COMMD10: variants seen among roughly 807,000 people sequenced by gnomAD.
COMMD10 encodes COMM domain-containing protein 10.
In COMMD10, 33 loss-of-function variants were observed where a neutral mutation model predicts 28.9. The observed-to-expected ratio is 1.14, with a 90% confidence interval of 0.87 to 1.53. The LOEUF (loss-of-function observed/expected upper bound fraction) is 1.53. COMMD10 is among the 40% of genes most tolerant of loss of function. COMMD10 has a pLI of 0.00. For missense variants in COMMD10, 310 were observed against 233.4 expected (o/e 1.33, Z -2.14); for synonymous variants, 110 against 81.7 (o/e 1.35, Z -1.87).
At chr5:116,137,606 T>G (rs112529098) in intron 5 of COMMD10, among the ~76,000 whole-genome samples, 133 of 152,082 alleles carry the variant, frequency 8.7e-4, no homozygotes, top group African/African-American at 3.0e-3. Context: ...TTTGAGCTGT[T>G]GTACTGAAAA....
At chr5:116,246,843 CTG>C (rs1749964096) in intron 5 of COMMD10, among the ~76,000 whole-genome samples, 1 of 151,534 alleles carries the variant, frequency 6.6e-6, no homozygotes, top group Admixed American at 6.6e-5. Flanking sequence ...GGATTAAAGA[CTG>C]TAATGTAAAG....
chr5:116,108,275 G>A (rs1256539365), intron 4 of COMMD10, among the ~76,000 whole-genome samples: 1 of 152,232 alleles, frequency 6.6e-6, no homozygotes, highest in Admixed American at 6.5e-5. Flanking sequence ...TGCACCCACA[G>A]CCACCCCTTT....
intron 4 of COMMD10, among the ~76,000 whole-genome samples, chr5:116,108,531 G>A (rs745320976): frequency 6.6e-5 from 10 of 152,220 alleles, no homozygotes; most frequent in African/African-American, 1.4e-4. Context: ...AATGGCGGAC[G>A]CCTGTCCCTC....
chr5:116,249,127 A>T (rs758685315), intron 5 of COMMD10, among the ~76,000 whole-genome samples: 5 of 151,994 alleles, frequency 3.3e-5, no homozygotes, highest in Non-Finnish European at 7.4e-5. Context: ...CATATTTTTC[A>T]TCATAAATTC....
intron 5 of COMMD10, among the ~76,000 whole-genome samples, chr5:116,179,997 G>A (rs568159181): frequency 2.0e-5 from 3 of 152,122 alleles, no homozygotes; most frequent in South Asian, 2.1e-4. Flanking sequence ...GGAGGGCTGG[G>A]ATGAATTGAG....
At chr5:116,209,693 T>G (rs1048021481) in intron 5 of COMMD10, among the ~76,000 whole-genome samples, 4 of 152,160 alleles carry the variant, frequency 2.6e-5, no homozygotes, top group African/African-American at 7.2e-5. Context: ...TTATCTGAAG[T>G]CATAGCGTGC....
chr5:116,238,433 T>C (rs1245793065), intron 5 of COMMD10, among the ~76,000 whole-genome samples: 1 of 152,182 alleles, frequency 6.6e-6, no homozygotes, highest in East Asian at 1.9e-4. Context: ...GCTGGTTTAA[T>C]GTAATTTTGA....
intron 5 of COMMD10, among the ~76,000 whole-genome samples, chr5:116,254,458 C>T (rs1451107493): frequency 2.0e-5 from 3 of 151,330 alleles, no homozygotes; most frequent in African/African-American, 7.4e-5. Flanking sequence ...TCCCTCTACA[C>T]ACTGCTTTGA....
At chr5:116,170,034 A>G (rs944684883) in intron 5 of COMMD10, among the ~76,000 whole-genome samples, 1 of 152,198 alleles carries the variant, frequency 6.6e-6, no homozygotes, top group South Asian at 2.1e-4. Flanking sequence ...AAATAGGAAG[A>G]GAGGAAGTAA....
intron 5 of COMMD10, among the ~76,000 whole-genome samples, chr5:116,271,521 A>G (rs1750756979): frequency 6.6e-6 from 1 of 151,668 alleles, no homozygotes; most frequent in Admixed American, 6.6e-5. Flanking sequence ...GAATTGGGTT[A>G]ACATTCTAAA....
At chr5:116,256,122 A>T (rs939320760) in intron 5 of COMMD10, among the ~76,000 whole-genome samples, 11 of 151,708 alleles carry the variant, frequency 7.3e-5, no homozygotes, top group African/African-American at 2.7e-4. Context: ...ATAAGTCTGT[A>T]ATATTTTACT....
At chr5:116,127,568 C>T (rs185181202) in intron 4 of COMMD10, among the ~76,000 whole-genome samples, 47,636 of 151,772 alleles carry the variant, frequency 0.31, 10,353 homozygotes, top group African/African-American at 0.63. Context: ...AAATGTGGCA[C>T]ATATACACCA....
In COMMD10 at chr5:116,149,328, G is replaced by C. The variant is rs552871801; in HGVS notation, c.510+15150G>C. Among the ~76,000 whole-genome samples, 349 of 144,124 alleles carry C rather than the reference G, an allele frequency of 2.4e-3. 1 individual carries two copies. The highest frequency in any genetic ancestry group is 9.0e-3 in the African/African-American group (334 of 37,040). The allele number at this position is 144,124 out of a possible 152,430, so 94.6% of individuals were successfully genotyped here. A position where few individuals can be genotyped will look rare whatever the true frequency, so the allele number is the denominator to read the frequency against. ...CCGCAATAAACATACGTGTGTGTGT[G>C]TCTTTATAGTAGCATGATTTATAGT... is the stretch of plus-strand genomic sequence containing the variant. On this transcript the variant is annotated intron_variant, in intron 5 of 6. Transcript: ENST00000274458.
chr5:116,256,353 G>A (rs1294267642), intron 5 of COMMD10, among the ~76,000 whole-genome samples: 1 of 151,586 alleles, frequency 6.6e-6, no homozygotes, highest in Admixed American at 6.6e-5. Context: ...TCTGACAGTC[G>A]GTAGCTTTGA....
intron 5 of COMMD10, among the ~76,000 whole-genome samples, chr5:116,237,878 C>A (rs1275696067): frequency 6.6e-6 from 1 of 152,078 alleles, no homozygotes; most frequent in Non-Finnish European, 1.5e-5. Context: ...ACAGTAGAAA[C>A]TTTGGGAAAG....
intron 5 of COMMD10, among the ~76,000 whole-genome samples, chr5:116,226,571 C>T (rs1036144824): frequency 2.6e-5 from 4 of 151,608 alleles, no homozygotes; most frequent in Admixed American, 6.6e-5. Flanking sequence ...GAAAATAGTT[C>T]GGCATTGAAC....
intron 5 of COMMD10, among the ~76,000 whole-genome samples, chr5:116,256,985 C>A (rs1750306786): frequency 6.6e-6 from 1 of 151,720 alleles, no homozygotes; most frequent in Non-Finnish European, 1.5e-5. Context: ...AGTAACTAAG[C>A]AGCATAATAG....
At chr5:116,204,400 C>A (rs1748758012) in intron 5 of COMMD10, among the ~76,000 whole-genome samples, 1 of 152,030 alleles carries the variant, frequency 6.6e-6, no homozygotes, top group South Asian at 2.1e-4. Flanking sequence ...GTTTGTAATA[C>A]CATATTCATT....
At chr5:116,292,325 A>G (rs918091848) in intron 6 of COMMD10, 126 bp from the exon 7 acceptor site, 1 of 481,294 alleles carries the variant, frequency 2.1e-6, no homozygotes, top group Non-Finnish European at 3.6e-6. Flanking sequence ...TGCTATGTGA[A>G]TGGATTTAAT....
Sources: gnomAD v4.1 joint callset for allele counts (sites outside exome capture counted in the v4.1 genomes callset) on GRCh38, gnomAD v4.1.1 for gene constraint, MANE v1.5 for transcripts, NCBI Gene and HGNC (gene_info 2026-07-23, HGNC 2026-07-21) for gene names.